Variants in PKP1 observed in about 807,000 individuals in gnomAD.
PKP1 encodes plakophilin 1.
PKP1 carries 27 observed loss-of-function variants against 76.4 expected under a neutral mutation model. The observed-to-expected ratio is 0.35, with a 90% CI of 0.26 to 0.49. PKP1 has a LOEUF of 0.49. Among genes scored for constraint, PKP1 ranks in the 20% least tolerant of loss-of-function variants. PKP1 has a pLI of 0.99. For synonymous variants in PKP1, 404 were observed against 384.2 expected (o/e 1.05, Z -0.60); for missense variants, 964 against 955.2 (o/e 1.01, Z -0.12).
At chr1:201,295,899 A>G (rs1656056825) in intron 2 of PKP1, among the ~76,000 whole-genome samples, 1 of 147,010 alleles carries the variant, frequency 6.8e-6, no homozygotes, top group Non-Finnish European at 1.5e-5. Flanking sequence ...AAAAAAAAAA[A>G]TCTTCATTTG....
intron 2 of PKP1, among the ~76,000 whole-genome samples, chr1:201,296,839 T>G (rs1426820349): frequency 6.6e-6 from 1 of 152,212 alleles, no homozygotes; most frequent in East Asian, 1.9e-4. Flanking sequence ...TTCTTTATTG[T>G]CATGACCTGG....
intron 1 of PKP1, among the ~76,000 whole-genome samples, chr1:201,292,876 A>T (rs1161838292): frequency 1.3e-5 from 2 of 152,234 alleles, no homozygotes; most frequent in African/African-American, 4.8e-5. Flanking sequence ...TGGAGCTCCC[A>T]GTATAGCTGA....
chr1:201,322,556 G>C (rs1656978713), intron 8 of PKP1, among the ~76,000 whole-genome samples: 1 of 152,194 alleles, frequency 6.6e-6, no homozygotes, highest in Non-Finnish European at 1.5e-5. Flanking sequence ...AAGCCTACCA[G>C]GGATGGGTTG....
intron 7 of PKP1, among the ~76,000 whole-genome samples, chr1:201,321,418 T>G (rs573576712): frequency 1.3e-5 from 2 of 152,132 alleles, no homozygotes; most frequent in African/African-American, 4.8e-5. Context: ...GCTGCCATGA[T>G]GAAGCCCTGG....
chr1:201,291,245 C>T (rs910004750), intron 1 of PKP1, among the ~76,000 whole-genome samples: 1 of 152,148 alleles, frequency 6.6e-6, no homozygotes, highest in African/African-American at 2.4e-5. Flanking sequence ...CAAGCAGACC[C>T]CAACTACAGA....
At chr1:201,306,952 G>A (rs1192589699) in intron 2 of PKP1, among the ~76,000 whole-genome samples, 2 of 152,232 alleles carry the variant, frequency 1.3e-5, no homozygotes, top group Admixed American at 6.5e-5. Context: ...TTACAGGCAT[G>A]AGCCACCGCA....
chr1:201,326,749 G>A (rs915613356), intron 12 of PKP1, among the ~76,000 whole-genome samples: 1 of 152,232 alleles, frequency 6.6e-6, no homozygotes, highest in Non-Finnish European at 1.5e-5. Flanking sequence ...GTGGAGCTTT[G>A]TTCAGGCAGG....
chr1:201,319,970 A>T, intron 6 of PKP1: 1 of 1,389,110 alleles, frequency 7.2e-7, no homozygotes, highest in Non-Finnish European at 1.0e-6. Flanking sequence ...GAGGAGAAGA[A>T]CTGAGTGCAA....
intron 1 of PKP1, among the ~76,000 whole-genome samples, chr1:201,285,271 A>G (rs1279623952): frequency 7.0e-6 from 1 of 143,336 alleles, no homozygotes. Context: ...CACACCTCAC[A>G]CTTCCTTCTA....
intron 2 of PKP1, among the ~76,000 whole-genome samples, chr1:201,309,493 C>T (rs796669844): frequency 1.1e-4 from 16 of 152,294 alleles, no homozygotes; most frequent in African/African-American, 3.8e-4. Flanking sequence ...GAGTGACCAA[C>T]TCTGCTCTCA....
Position 201,323,131 on chromosome 1 carries a change from A to T in PKP1, c.1622A>T (p.Asp541Val), listed in dbSNP as rs901040424. The stretch of plus-strand genomic sequence containing the variant: ...AACCTCATGGGCAAGAGCAAGAAAG[A>T]TGCTACCCTGGAGGCCTGTGCTGGT... ...YLNLMGKSKK[D>V]ATLEACAGAL... The change falls in exon 9 of 14, where the codon GAT becomes GTT. Residue 541 changes from aspartate (D) to valine (V), a missense_variant. Physicochemically the swap from Asp to Val is radical, Grantham distance 152 (BLOSUM62 -3). Transcript: ENST00000367324. The T allele has an allele frequency of 6.2e-7, 1 of 1,614,010 alleles. No individual in the cohort carries two copies. The highest frequency in any genetic ancestry group is 1.3e-5 in the African/African-American group (1 of 74,912).
chr1:201,300,725 G>A (rs187990559), intron 2 of PKP1, among the ~76,000 whole-genome samples: 41 of 152,336 alleles, frequency 2.7e-4, no homozygotes, highest in African/African-American at 9.4e-4. Flanking sequence ...TCAGAGAATG[G>A]CCCCATGTCA....
At chr1:201,316,528 C>A (rs1049369775) in intron 3 of PKP1, 25 bp from the exon 4 acceptor site, 5 of 1,587,836 alleles carry the variant, frequency 3.1e-6, no homozygotes, top group South Asian at 1.1e-5. Context: ...ACCCCGTAAC[C>A]ACCCCCACTG....
Position 201,323,142 on chromosome 1 carries a change from G to C in PKP1, c.1633G>C (p.Glu545Gln). 6.2e-7 allele frequency: 1 copy of C among 1,614,128 alleles called. No individual in the cohort carries two copies. Among genetic ancestry groups the C allele is most frequent in the Non-Finnish European group, 8.5e-7 (1 of 1,180,026 alleles). The change falls in exon 9 of 14, where the codon GAG becomes CAG. Residue 545 changes from glutamate to glutamine, a missense_variant. Physicochemically the swap from Glu to Gln is conservative, Grantham distance 29. Coordinates refer to ENST00000367324, the MANE Select transcript of PKP1 (RefSeq NM_001005337.3). ...MGKSKKDATL[E>Q]ACAGALQNLT... The stretch of plus-strand genomic sequence containing the variant: ...CAAGAGCAAGAAAGATGCTACCCTG[G>C]AGGCCTGTGCTGGTGCCCTGCAGAA...
chr1:201,312,030 G>A (rs1177209870), intron 2 of PKP1, among the ~76,000 whole-genome samples: 4 of 152,148 alleles, frequency 2.6e-5, no homozygotes, highest in South Asian at 2.1e-4. Context: ...TTTTTGTGCC[G>A]GATTGAGCCT....
Position 201,283,598 on chromosome 1 carries a change from G to T in PKP1, c.-105G>T, listed in dbSNP as rs1040388826. 6.0e-6 allele frequency: 6 copies of T among 1,007,134 alleles called. No homozygotes were observed. Among genetic ancestry groups the T allele is most frequent in the Non-Finnish European group, 9.1e-6 (6 of 659,000 alleles). The allele number at this position is 1,007,134 out of a possible 1,614,324, so 62.4% of individuals were successfully genotyped here. A position where few individuals can be genotyped will look rare whatever the true frequency, so the allele number is the denominator to read the frequency against. On this transcript the variant is annotated 5_prime_UTR_variant, in exon 1 of 14. Transcript: ENST00000367324. ...ACGCACTCTATGGCCGTAGGGAGCC[G>T]CTGAGAGCGAGAAGAGCACGCTCCT...
At chr1:201,306,054 G>A (rs146928413) in intron 2 of PKP1, among the ~76,000 whole-genome samples, 10 of 152,204 alleles carry the variant, frequency 6.6e-5, no homozygotes, top group Admixed American at 2.0e-4. Context: ...AGTGGCAAAC[G>A]CCTGCCAGGG....
At chr1:201,303,785 C>A (rs926637602) in intron 2 of PKP1, among the ~76,000 whole-genome samples, 1 of 152,140 alleles carries the variant, frequency 6.6e-6, no homozygotes, top group African/African-American at 2.4e-5. Flanking sequence ...CCTGGAGTCA[C>A]CCCACAGCCA....
chr1:201,328,884 C>A lies in PKP1; in HGVS notation c.*32+16C>A. ...AGGCTTGCAGGTAAGAATCACCCCA[C>A]CCTCAGGGATGCCTCTGGGACCACT... is the stretch of plus-strand genomic sequence containing the variant. On this transcript the variant is annotated intron_variant, in intron 13 of 13. Transcript: ENST00000367324. 2 of 1,468,624 alleles carry A rather than the reference C, an allele frequency of 1.4e-6. No homozygotes were observed. Among genetic ancestry groups the A allele is most frequent in the Non-Finnish European group, 1.9e-6 (2 of 1,047,162 alleles). The allele number at this position is 1,468,624 out of a possible 1,614,324, so 91.0% of individuals were successfully genotyped here. A position where few individuals can be genotyped will look rare whatever the true frequency, so the allele number is the denominator to read the frequency against.
Sources: gnomAD v4.1 joint callset for allele counts (sites outside exome capture counted in the v4.1 genomes callset) on GRCh38, gnomAD v4.1.1 for gene constraint, MANE v1.5 for transcripts, NCBI Gene and HGNC (gene_info 2026-07-23, HGNC 2026-07-21) for gene names.